Variants in PPP4R3A observed in about 807,000 individuals in gnomAD.
PPP4R3A encodes the protein serine/threonine-protein phosphatase 4 regulatory subunit 3A.
Under a neutral mutation model 91.7 loss-of-function variants are expected in PPP4R3A, and 15 were observed. The ratio of observed to expected loss-of-function variants is 0.16; its 90% CI spans 0.11 to 0.25. The LOEUF is 0.25. Among genes scored for constraint, PPP4R3A ranks in the 10% least tolerant of loss-of-function variants. The probability of loss-of-function intolerance (pLI) is 1.00; values close to 1 mark genes in which losing one functional copy is unlikely to be tolerated. For missense variants in PPP4R3A, 623 were observed against 998.4 expected (o/e 0.62, Z 5.07); for synonymous variants, 377 against 348.7 (o/e 1.08, Z -0.91).
At position 91,495,592 on chromosome 14, in the gene PPP4R3A, A is replaced by C. The variant is rs1362470826; in HGVS notation, c.143-4790T>G. ...TTTTTCAGAGGAGACAAAATGTTCTAAAATTAGATTGTGGTGATGGTTGCA... is the reference window on the plus strand; with the variant it reads ...TTTTTCAGAGGAGACAAAATGTTCTCAAATTAGATTGTGGTGATGGTTGCA... On this transcript the variant is annotated intron_variant, in intron 1 of 14. Transcript: ENST00000554943. 2.0e-5 allele frequency among the ~76,000 whole-genome samples: 3 copies of C among 152,146 alleles called. No homozygotes were observed. The East Asian group carries it at 5.8e-4, about 29-fold the overall frequency.
intron 10 of PPP4R3A, among the ~76,000 whole-genome samples, chr14:91,466,733 A>G (rs1888492764): frequency 6.6e-6 from 1 of 152,172 alleles, no homozygotes; most frequent in Non-Finnish European, 1.5e-5. Context: ...TATTTTCCCA[A>G]AACAATATTT....
At position 91,475,426 on chromosome 14, in the gene PPP4R3A, A is replaced by AT. The variant is rs1889136377; in HGVS notation, c.1266+384dup. On this transcript the variant is annotated intron_variant, in intron 7 of 14. Coordinates refer to ENST00000554943, the MANE Select transcript of PPP4R3A (RefSeq NM_001366432.2). ...TTCATATTTTAAGGGACTGTGCTAC[A>AT]TTTCTTCATTCTTGGCGATTTTGAG... is the stretch of plus-strand genomic sequence containing the variant. The AT allele has an allele frequency of 1.4e-5, 3 of 209,044 alleles. No individual in the cohort carries two copies. In the South Asian group the frequency reaches 2.1e-4, roughly 15 times the overall value. The allele number at this position is 209,044 out of a possible 1,614,324, so 12.9% of individuals were successfully genotyped here.
intron 14 of PPP4R3A, among the ~76,000 whole-genome samples, chr14:91,459,469 G>GA (rs1338227804): frequency 1.3e-5 from 2 of 152,090 alleles, no homozygotes; most frequent in African/African-American, 4.8e-5. Context: ...GAAAATGAAT[G>GA]AAAAATGTTT....
chr14:91,506,911 T>C (rs1323056407), intron 1 of PPP4R3A, among the ~76,000 whole-genome samples: 1 of 152,208 alleles, frequency 6.6e-6, no homozygotes, highest in Non-Finnish European at 1.5e-5. Context: ...ACATCAGTAA[T>C]TTAGTTAAGC....
At chr14:91,507,373 T>TATATAATTATAG (rs1566660160) in intron 1 of PPP4R3A, among the ~76,000 whole-genome samples, 2 of 73,672 alleles carry the variant, frequency 2.7e-5, no homozygotes, top group Non-Finnish European at 4.8e-5. Context: ...TATACTATAA[T>TATATAATTATAG]TATATATACT....
chr14:91,472,144 T>C (rs895462673), intron 9 of PPP4R3A, among the ~76,000 whole-genome samples: 2 of 150,438 alleles, frequency 1.3e-5, no homozygotes, highest in Non-Finnish European at 3.0e-5. Flanking sequence ...AATTTTTGAA[T>C]GTAGACCTAA....
At chr14:91,496,693 G>A (rs1890592897) in intron 1 of PPP4R3A, among the ~76,000 whole-genome samples, 1 of 152,118 alleles carries the variant, frequency 6.6e-6, no homozygotes. Context: ...TCTCTTTTCA[G>A]CCATATCACA....
intron 3 of PPP4R3A, among the ~76,000 whole-genome samples, chr14:91,483,124 T>G (rs1485145725): frequency 2.0e-5 from 3 of 152,142 alleles, no homozygotes; most frequent in African/African-American, 7.2e-5. Context: ...TTTTTTTTGG[T>G]AACAAAAGGT....
chr14:91,498,544 A>G (rs540329361), intron 1 of PPP4R3A, among the ~76,000 whole-genome samples: 10 of 152,326 alleles, frequency 6.6e-5, no homozygotes, highest in African/African-American at 1.9e-4. Flanking sequence ...GTATAAAGGT[A>G]TCTAGCTGGG....
chr14:91,476,019 T>C (rs1835701595), intron 6 of PPP4R3A, 53 bp from the exon 7 acceptor site: 31 of 1,469,592 alleles, frequency 2.1e-5, no homozygotes, highest in African/African-American at 2.9e-5. Context: ...ACGGAACCTA[T>C]AGCTATGTAA....
In PPP4R3A at chr14:91,462,096, T is replaced by A; in HGVS notation, c.2117A>T (p.Asp706Val). The stretch of plus-strand genomic sequence containing the variant: ...ACTTATTGGATCCATAATATCATCA[T>A]CATTTTTAGTTTTGTCAGATGGAGA... ...VVSPSDKTKN[D>V]DDIMDPISKF... Residue 706 changes from aspartate (D) to valine (V), a missense_variant, in exon 13 of 15, where the codon GAT becomes GTT. By Grantham distance (152) the Asp-to-Val change is radical. Around this residue, in one of 5 missense-constraint regions of PPP4R3A, gnomAD observed 201 missense variants for 229.9 expected, o/e 0.87. Coordinates refer to ENST00000554943, the MANE Select transcript of PPP4R3A (RefSeq NM_001366432.2). 1 of 1,559,922 alleles carries A rather than the reference T, an allele frequency of 6.4e-7. No homozygotes were observed. The highest frequency in any genetic ancestry group is 1.2e-5 in the South Asian group (1 of 81,198).
At chr14:91,499,907 G>C (rs529749707) in intron 1 of PPP4R3A, among the ~76,000 whole-genome samples, 2 of 151,916 alleles carry the variant, frequency 1.3e-5, no homozygotes, top group African/African-American at 4.8e-5. Flanking sequence ...TTCTTGTAGG[G>C]TGCTACCAAC....
At position 91,472,957 on chromosome 14, in the gene PPP4R3A, A is replaced by G. The variant is rs576708024; in HGVS notation, c.1501+76T>C. ...CTACCTCCCACTAACTGCCTCCTAA[A>G]AAGACTGACTTAACACCAACTTTGA... On this transcript the variant is annotated intron_variant, in intron 9 of 14. Coordinates refer to ENST00000554943, the MANE Select transcript of PPP4R3A (RefSeq NM_001366432.2). 5.8e-6 allele frequency: 8 copies of G among 1,383,774 alleles called. No individual in the cohort carries two copies. In the East Asian group the frequency reaches 1.8e-4, roughly 32 times the overall value. The allele number at this position is 1,383,774 out of a possible 1,614,324, so 85.7% of individuals were successfully genotyped here.
chr14:91,509,731 G>C lies in PPP4R3A; in HGVS notation c.-84C>G. On this transcript the variant is annotated 5_prime_UTR_variant, in exon 1 of 15. Transcript: ENST00000554943. ...TGGAGAGGCGAGGGGCGAGGCGTGA[G>C]GGCGCCCGCGAGCGGAGGGCTCCCC... 3.6e-6 allele frequency: 5 copies of C among 1,406,550 alleles called. No individual in the cohort carries two copies. The highest frequency in any genetic ancestry group is 3.0e-5 in the East Asian group (1 of 33,520). 87.1% of individuals were successfully genotyped at this position (1,406,550 alleles called of 1,614,324 possible).
intron 9 of PPP4R3A, among the ~76,000 whole-genome samples, chr14:91,472,456 TTG>T (rs1442151045): frequency 5.1e-5 from 4 of 78,702 alleles, no homozygotes; most frequent in African/African-American, 2.0e-4. Flanking sequence ...TTCAGGAAAA[TTG>T]TTTTTTTTTT....
intron 11 of PPP4R3A, among the ~76,000 whole-genome samples, chr14:91,464,628 G>A (rs1172094625): frequency 6.6e-6 from 1 of 152,018 alleles, no homozygotes; most frequent in African/African-American, 2.4e-5. Context: ...AATTTGCACA[G>A]CATCAATGAG....
intron 1 of PPP4R3A, among the ~76,000 whole-genome samples, chr14:91,500,889 G>A (rs1169427827): frequency 1.3e-5 from 2 of 152,018 alleles, no homozygotes; most frequent in South Asian, 2.1e-4. Flanking sequence ...AAAATTAGCT[G>A]GACATGGTGG....
chr14:91,485,080 C>CTT (rs1185772094), intron 3 of PPP4R3A, among the ~76,000 whole-genome samples: 1 of 151,912 alleles, frequency 6.6e-6, no homozygotes, highest in Non-Finnish European at 1.5e-5. Context: ...TGTAATCAGA[C>CTT]TTGCATTTTT....
intron 1 of PPP4R3A, among the ~76,000 whole-genome samples, chr14:91,507,367 C>CTATATAGTATATATACTATATAGTATA (rs1491304044): frequency 1.6e-5 from 1 of 62,336 alleles, no homozygotes; most frequent in Non-Finnish European, 3.1e-5. Flanking sequence ...AGTATATATA[C>CTATATAGTATATATACTATATAGTATA]TATAATTATA....
Sources: gnomAD v4.1 joint callset for allele counts (sites outside exome capture counted in the v4.1 genomes callset) on GRCh38, gnomAD v4.1.1 for gene constraint, gnomAD v4.1.1 regional missense constraint, MANE v1.5 for transcripts, NCBI Gene and HGNC (gene_info 2026-07-23, HGNC 2026-07-21) for gene names.